WDR25: variants seen among roughly 807,000 people sequenced by gnomAD.
WDR25 encodes WD repeat domain 25.
In WDR25, 35 loss-of-function variants were observed where a neutral mutation model predicts 47.7. That is an observed-to-expected ratio of 0.73 (90% CI 0.56 to 0.97). The LOEUF is 0.97. WDR25 is among the 50% of genes least tolerant of loss of function. WDR25 has a pLI of 0.00. For missense variants in WDR25, 634 were observed against 704.7 expected, an observed-to-expected ratio of 0.90 and a Z score of 1.14; for synonymous variants, 248 against 278.9, an observed-to-expected ratio of 0.89 and a Z score of 1.10.
intron 4 of WDR25, among the ~76,000 whole-genome samples, chr14:100,522,771 T>C (rs1343742967): frequency 1.3e-5 from 2 of 152,210 alleles, no homozygotes; most frequent in African/African-American, 4.8e-5. Flanking sequence ...GCTGCCACGC[T>C]CAGGTCCCCA....
Position 100,404,879 on chromosome 14 carries a change from A to T in WDR25, c.822+23133A>T, listed in dbSNP as rs1009414247. On this transcript the variant is annotated intron_variant, in intron 2 of 6. Transcript: ENST00000402312. This position sits in a 1 kb window ranked among gnomAD's most constrained non-coding sequence, Gnocchi z 4.6. ...CATCCCTCCTGTGAGTGACATGGTT[A>T]TTCCTTGTATCATTGTCTGAACTTG... Among the ~76,000 whole-genome samples the T allele has an allele frequency of 1.3e-5, 2 of 151,996 alleles. No homozygotes were observed. The highest frequency in any genetic ancestry group is 2.9e-5 in the Non-Finnish European group (2 of 67,996).
At chr14:100,455,370 G>C (rs1310029990) in intron 2 of WDR25, 1 of 150,792 alleles carries the variant, frequency 6.6e-6, no homozygotes, top group Non-Finnish European at 1.5e-5. Flanking sequence ...AGAGAAAAAT[G>C]ATGGAGGAGA....
In WDR25 at chr14:100,407,877, C is replaced by T. The variant is rs569387613; in HGVS notation, c.822+26131C>T. Among the ~76,000 whole-genome samples, 1 of 152,132 alleles carries T rather than the reference C, an allele frequency of 6.6e-6. No individual in the cohort carries two copies. The highest frequency in any genetic ancestry group is 1.5e-5 in the Non-Finnish European group (1 of 68,024). On this transcript the variant is annotated intron_variant, in intron 2 of 6. Transcript: ENST00000402312. This position sits in a 1 kb window ranked among gnomAD's most constrained non-coding sequence, Gnocchi z 4.1. Reference sequence around the variant, plus strand: ...GTGTATTGTCTGTGAGTGTGCTGGGCTCCCAGACACATATGTCACAGTGAG... The same window carrying T: ...GTGTATTGTCTGTGAGTGTGCTGGGTTCCCAGACACATATGTCACAGTGAG...
At chr14:100,526,878 A>T (rs2030179092) in intron 5 of WDR25, among the ~76,000 whole-genome samples, 1 of 111,738 alleles carries the variant, frequency 8.9e-6, no homozygotes, top group African/African-American at 3.1e-5. Context: ...CAGCATCACT[A>T]TCTTTATACC....
intron 2 of WDR25, among the ~76,000 whole-genome samples, chr14:100,450,919 T>C (rs1314203886): frequency 6.6e-6 from 1 of 152,004 alleles, no homozygotes; most frequent in East Asian, 1.9e-4. Flanking sequence ...GTGGGGCAGG[T>C]GTGAAAGAGC....
rs1223424615 is a variant in WDR25 at position 100,407,141 on chromosome 14, A to T, written c.822+25395A>T. ...GGGCTGAGCCTGCGGTTAACATCTT[A>T]ATAGTAACCGGAGAGTTTCTGAGAG... On this transcript the variant is annotated intron_variant, in intron 2 of 6. Coordinates refer to ENST00000402312, the MANE Select transcript of WDR25 (RefSeq NM_001161476.3). The surrounding 1 kb of genome is among the most constrained non-coding windows in gnomAD (Gnocchi z 4.1). 2 of 152,272 alleles carry T rather than the reference A, an allele frequency of 1.3e-5. No individual in the cohort carries two copies. The highest frequency in any genetic ancestry group is 4.8e-5 in the African/African-American group (2 of 41,468). 9.4% of individuals were successfully genotyped at this position (152,272 alleles called of 1,614,324 possible). A position where few individuals can be genotyped will look rare whatever the true frequency, so the allele number is the denominator to read the frequency against.
At chr14:100,492,169 G>C (rs752817869) in intron 4 of WDR25, among the ~76,000 whole-genome samples, 53 of 152,244 alleles carry the variant, frequency 3.5e-4, no homozygotes, top group Non-Finnish European at 7.2e-4. Context: ...GAAAACATCT[G>C]TTTCTCTCAA....
intron 2 of WDR25, among the ~76,000 whole-genome samples, chr14:100,466,787 G>T (rs1329223237): frequency 6.6e-6 from 1 of 152,228 alleles, no homozygotes; most frequent in East Asian, 1.9e-4. Flanking sequence ...GGTGGTAGGT[G>T]AGAGCACTGC....
At chr14:100,413,702 C>T (rs550517390) in intron 2 of WDR25, among the ~76,000 whole-genome samples, 5 of 152,164 alleles carry the variant, frequency 3.3e-5, no homozygotes, top group Non-Finnish European at 5.9e-5. Context: ...CGTGAGCCAC[C>T]GCGCCCGGCC....
intron 2 of WDR25, among the ~76,000 whole-genome samples, chr14:100,433,669 C>T (rs769131473): frequency 1.1e-4 from 16 of 152,140 alleles, no homozygotes; most frequent in Non-Finnish European, 2.2e-4. Flanking sequence ...TCATTCCCCC[C>T]CCATTAGTCT....
intron 3 of WDR25, among the ~76,000 whole-genome samples, chr14:100,479,702 T>C (rs1900136093): frequency 6.6e-6 from 1 of 152,154 alleles, no homozygotes; most frequent in Admixed American, 6.5e-5. Flanking sequence ...TTTGTCCATA[T>C]CAACAGGGAT....
At chr14:100,521,179 GACACACACACAC>G (rs559590297) in intron 4 of WDR25, among the ~76,000 whole-genome samples, 1 of 148,090 alleles carries the variant, frequency 6.8e-6, no homozygotes, top group Non-Finnish European at 1.5e-5. Context: ...CACACACATA[GACACACACACAC>G]ACACACACAC....
intron 3 of WDR25, among the ~76,000 whole-genome samples, chr14:100,469,201 G>A (rs1899745871): frequency 6.6e-6 from 1 of 152,098 alleles, no homozygotes; most frequent in Admixed American, 6.5e-5. Context: ...AGAAGGAGAT[G>A]ATAACTTGCT....
chr14:100,443,896 T>C (rs1437026658), intron 2 of WDR25, among the ~76,000 whole-genome samples: 1 of 152,160 alleles, frequency 6.6e-6, no homozygotes, highest in African/African-American at 2.4e-5. Context: ...CTCATGCATA[T>C]TCTCTGTTAA....
At chr14:100,517,586 G>A (rs986541513) in intron 4 of WDR25, among the ~76,000 whole-genome samples, 4 of 152,210 alleles carry the variant, frequency 2.6e-5, no homozygotes, top group Non-Finnish European at 5.9e-5. Flanking sequence ...GCTCACGCCT[G>A]TAATCCTAGC....
intron 4 of WDR25, among the ~76,000 whole-genome samples, chr14:100,497,658 C>T (rs1241175597): frequency 6.6e-6 from 1 of 152,192 alleles, no homozygotes; most frequent in Non-Finnish European, 1.5e-5. Context: ...GAGAGGTGGG[C>T]TGCAGGAGGT....
At position 100,424,444 on chromosome 14, in the gene WDR25, C is replaced by T. The variant is rs919139855; in HGVS notation, c.822+42698C>T. 2.0e-5 allele frequency among the ~76,000 whole-genome samples: 3 copies of T among 152,212 alleles called. No homozygotes were observed. The highest frequency in any genetic ancestry group is 2.9e-5 in the Non-Finnish European group (2 of 68,038). On this transcript the variant is annotated intron_variant, in intron 2 of 6. Coordinates refer to ENST00000402312, the MANE Select transcript of WDR25 (RefSeq NM_001161476.3). The surrounding 1 kb of genome is among the most constrained non-coding windows in gnomAD (Gnocchi z 4.2). ...GAGTTAGCAGGACAATCCTTTGCTA[C>T]TGGGGACCCGCCACTGACCCCAGGG...
chr14:100,447,621 G>A (rs1032460858), intron 2 of WDR25, among the ~76,000 whole-genome samples: 4 of 152,198 alleles, frequency 2.6e-5, no homozygotes, highest in African/African-American at 9.7e-5. Flanking sequence ...CACCAGACAT[G>A]GTGAGGTGGG....
chr14:100,420,600 C>T (rs963531197), intron 2 of WDR25, among the ~76,000 whole-genome samples: 1 of 151,980 alleles, frequency 6.6e-6, no homozygotes, highest in Non-Finnish European at 1.5e-5. Context: ...AATTGCTAGC[C>T]AAGACTAAGA....
Sources: gnomAD v4.1 joint callset for allele counts (sites outside exome capture counted in the v4.1 genomes callset) on GRCh38, gnomAD v4.1.1 for gene constraint, Gnocchi (gnomAD v3.1) non-coding constraint, MANE v1.5 for transcripts, NCBI Gene and HGNC (gene_info 2026-07-23, HGNC 2026-07-21) for gene names.